The following TOGARAM1 variants were observed in gnomAD, a reference collection of about 807,000 sequenced individuals.
The protein encoded by TOGARAM1 is TOG array regulator of axonemal microtubules protein 1.
A neutral mutation model predicts 166.6 loss-of-function variants in TOGARAM1; 100 were observed. The observed-to-expected ratio is 0.60, with a 90% CI of 0.51 to 0.71. The LOEUF (loss-of-function observed/expected upper bound fraction) is 0.71. Among genes scored for constraint, TOGARAM1 ranks in the 30% least tolerant of loss-of-function variants. The pLI is 0.00. For synonymous variants in TOGARAM1, 758 were observed against 763.8 expected (o/e 0.99, Z 0.13); for missense variants, 2,029 against 2,102.7 (o/e 0.96, Z 0.69).
intron 1 of TOGARAM1, among the ~76,000 whole-genome samples, chr14:44,965,096 T>G (rs1296947131): frequency 1.7e-4 from 26 of 152,146 alleles, no homozygotes. Flanking sequence ...ATACTTCATC[T>G]ATATTTACCA....
chr14:44,970,229 T>C (rs979787043), intron 1 of TOGARAM1, among the ~76,000 whole-genome samples: 1 of 152,240 alleles, frequency 6.6e-6, no homozygotes, highest in African/African-American at 2.4e-5. Context: ...TGGAGTTCTA[T>C]ACTTTCCTCA....
intron 6 of TOGARAM1, among the ~76,000 whole-genome samples, chr14:45,010,461 A>G (rs1231367808): frequency 3.3e-5 from 5 of 152,182 alleles, no homozygotes; most frequent in Non-Finnish European, 7.4e-5. Context: ...TCCTTTTATG[A>G]TCTTCCATGA....
rs1251297205 is a variant in TOGARAM1, at chr14:45,046,696, G to A, written c.4306G>A (p.Glu1436Lys). Residue 1436 changes from glutamate (E) to lysine (K), a missense_variant, in exon 14 of 20, where the codon GAA (glutamate) becomes AAA (lysine). Coordinates refer to ENST00000361462, the MANE Select transcript of TOGARAM1 (RefSeq NM_001308120.2). ...AAKFAQDSSQETRYYGRKMLF... is the reference protein window; with the variant it reads ...AAKFAQDSSQKTRYYGRKMLF... Reference sequence around the variant, plus strand: ...TAAGTTTGCTCAAGACAGTTCACAAGAAACCAGGTGAATATCTGCTAATGT... The same window carrying A: ...TAAGTTTGCTCAAGACAGTTCACAAAAAACCAGGTGAATATCTGCTAATGT... 1 of 1,282,808 alleles carries A rather than the reference G, an allele frequency of 7.8e-7. No individual in the cohort carries two copies. Among genetic ancestry groups the A allele is most frequent in the Non-Finnish European group, 1.0e-6 (1 of 1,004,726 alleles). The allele number at this position is 1,282,808 out of a possible 1,614,324, so 79.5% of individuals were successfully genotyped here. A position where few individuals can be genotyped will look rare whatever the true frequency, so the allele number is the denominator to read the frequency against.
At position 44,962,946 on chromosome 14, in the gene TOGARAM1, C is replaced by T; in HGVS notation, c.525C>T (p.Ala175=). The T allele has an allele frequency of 6.2e-7, 1 of 1,614,194 alleles. No homozygotes were observed. The highest frequency in any genetic ancestry group is 8.5e-7 in the Non-Finnish European group (1 of 1,180,050). ...GGGAGGCAGGCCAGCTTGAAGAGGC[C>T]TTTAGCTTAGCACTTTTGCCTCAAC... ...GQGEAGQLEE[A]FSLALLPQLV... Residue 175 remains alanine (A), a synonymous_variant, in exon 1 of 20, where the codon GCC becomes GCT. Transcript: ENST00000361462.
chr14:45,050,103 A>G (rs900659473), intron 14 of TOGARAM1, among the ~76,000 whole-genome samples: 2 of 139,776 alleles, frequency 1.4e-5, no homozygotes, highest in African/African-American at 4.9e-5. Flanking sequence ...CAGGCTAAAC[A>G]TTAGAATTGC....
At chr14:44,988,300 T>A (rs1228928260) in intron 1 of TOGARAM1, among the ~76,000 whole-genome samples, 4 of 152,180 alleles carry the variant, frequency 2.6e-5, no homozygotes, top group African/African-American at 9.7e-5. Flanking sequence ...CAATATGATA[T>A]AAGCACTTAA....
rs372775167 is a variant in TOGARAM1 at position 45,019,698 on chromosome 14, G to T, written c.3239-6085G>T. Among the ~76,000 whole-genome samples, 21 of 152,250 alleles carry T rather than the reference G, an allele frequency of 1.4e-4. No individual in the cohort carries two copies. In the East Asian group the frequency reaches 3.7e-3, roughly 27 times the overall value. On this transcript the variant is annotated intron_variant, in intron 7 of 19. Transcript: ENST00000361462. ...GTGAGCTCTCTTTACTACCTGATTG[G>T]TCGAGTGTGAGCTAAGTTGCAAGCC...
chr14:44,997,205 A>C (rs1029914103), intron 2 of TOGARAM1: 7 of 152,274 alleles, frequency 4.6e-5, no homozygotes, highest in African/African-American at 1.7e-4. Context: ...CAAGAGACTG[A>C]GACCATCCTT....
chr14:44,974,858 T>A (rs1886094335), intron 1 of TOGARAM1, among the ~76,000 whole-genome samples: 1 of 152,168 alleles, frequency 6.6e-6, no homozygotes, highest in African/African-American at 2.4e-5. Flanking sequence ...TTTTTACCTT[T>A]CACTGTGCCT....
chr14:44,984,138 T>TA, intron 1 of TOGARAM1, among the ~76,000 whole-genome samples: 2 of 152,264 alleles, frequency 1.3e-5, no homozygotes, highest in South Asian at 4.1e-4. Context: ...GATTATGAGA[T>TA]ATGTGTCTAC....
chr14:44,964,263 G>C lies in TOGARAM1; in HGVS notation c.1842G>C (p.Leu614Phe). 1 of 1,614,158 alleles carries C rather than the reference G, an allele frequency of 6.2e-7. No individual in the cohort carries two copies. The highest frequency in any genetic ancestry group is 8.5e-7 in the Non-Finnish European group (1 of 1,180,012). Residue 614 changes from leucine (L) to phenylalanine (F), a missense_variant, in exon 1 of 20, where the codon TTG becomes TTC. Leu to Phe is a conservative substitution (Grantham distance 22). This residue lies in a region of TOGARAM1 where 1,453 missense variants were observed against 1,432.2 expected (regional missense o/e 1.01). Transcript: ENST00000361462. ...LAHGADTDWL[L>F]AGNRTQSAHC... Reference sequence around the variant, plus strand: ...ATGGAGCAGATACGGACTGGCTTTTGGCTGGTAACAGAACTCAGAGTGCAC... The same window carrying C: ...ATGGAGCAGATACGGACTGGCTTTTCGCTGGTAACAGAACTCAGAGTGCAC...
chr14:45,016,978 A>G (rs192927610), intron 7 of TOGARAM1, among the ~76,000 whole-genome samples: 149 of 152,302 alleles, frequency 9.8e-4, no homozygotes, highest in Non-Finnish European at 1.8e-3. Flanking sequence ...TGTAAGCATA[A>G]TTGGTCAACA....
intron 13 of TOGARAM1, among the ~76,000 whole-genome samples, chr14:45,046,111 G>A (rs574601721): frequency 1.3e-5 from 2 of 151,928 alleles, no homozygotes; most frequent in South Asian, 2.1e-4. Context: ...CAGGATGATT[G>A]TTGAGGAGCT....
chr14:44,991,386 G>GA (rs576598769), intron 1 of TOGARAM1, among the ~76,000 whole-genome samples: 6 of 152,006 alleles, frequency 3.9e-5, no homozygotes, highest in Non-Finnish European at 7.4e-5. Context: ...TCCCTCATTG[G>GA]AATTTTTTCC....
chr14:45,043,661 A>C (rs747103481), intron 11 of TOGARAM1, 25 bp from the exon 12 acceptor site: 1 of 1,278,538 alleles, frequency 7.8e-7, no homozygotes, highest in Admixed American at 1.7e-5. Flanking sequence ...TTAACGAATG[A>C]TCTTGTCATT....
intron 16 of TOGARAM1, among the ~76,000 whole-genome samples, chr14:45,059,859 T>C (rs1882819074): frequency 6.6e-6 from 1 of 151,878 alleles, no homozygotes; most frequent in East Asian, 1.9e-4. Context: ...ATATTTTAAG[T>C]ACAGCCCACA....
At chr14:44,981,876 C>T (rs1320459330) in intron 1 of TOGARAM1, among the ~76,000 whole-genome samples, 2 of 136,690 alleles carry the variant, frequency 1.5e-5, no homozygotes, top group East Asian at 4.2e-4. Context: ...TGGAGTCTCC[C>T]TCTGTTGTCC....
At chr14:44,967,363 C>T (rs1024324135) in intron 1 of TOGARAM1, among the ~76,000 whole-genome samples, 11 of 152,102 alleles carry the variant, frequency 7.2e-5, no homozygotes, top group Non-Finnish European at 1.5e-4. Context: ...TAACCCCCCT[C>T]CCCCCACAAA....
rs141509029 is a variant in TOGARAM1 at position 44,987,990 on chromosome 14, C to G, written c.2047-7756C>G. Among the ~76,000 whole-genome samples, 1,278 of 151,824 alleles carry G rather than the reference C, an allele frequency of 8.4e-3. 15 individuals are homozygous for G. The highest frequency in any genetic ancestry group is 0.03 in the African/African-American group (1,233 of 41,386). ...TGAAGCTGGAAACCATCATTCTCAG[C>G]AAACTATCGCAAGGACAAAAAACCA... On this transcript the variant is annotated intron_variant, in intron 1 of 19. Coordinates refer to ENST00000361462, the MANE Select transcript of TOGARAM1 (RefSeq NM_001308120.2).
Sources: gnomAD v4.1 joint callset for allele counts (sites outside exome capture counted in the v4.1 genomes callset) on GRCh38, gnomAD v4.1.1 for gene constraint, gnomAD v4.1.1 regional missense constraint, MANE v1.5 for transcripts, NCBI Gene and HGNC (gene_info 2026-07-23, HGNC 2026-07-21) for gene names.